The following KCNAB1 variants were observed in gnomAD, a reference collection of about 807,000 sequenced individuals.
The protein encoded by KCNAB1 is potassium voltage-gated channel subfamily A regulatory beta subunit 1.
KCNAB1 carries 35 observed loss-of-function variants against 64.6 expected under a neutral mutation model. The observed-to-expected ratio is 0.54, with a 90% CI of 0.41 to 0.72. KCNAB1 has a LOEUF of 0.72. KCNAB1 is among the 30% of genes least tolerant of loss of function. KCNAB1 has a pLI of 0.00. For synonymous variants in KCNAB1, 177 were observed against 183.8 expected (o/e 0.96, Z 0.30); for missense variants, 401 against 512.9 (o/e 0.78, Z 2.11).
At chr3:156,351,118 A>C (rs3772243) in intron 1 of KCNAB1, among the ~76,000 whole-genome samples, 55,060 of 152,236 alleles carry the variant, frequency 0.36, 12,817 homozygotes, top group African/African-American at 0.67. Context: ...CTAGAAAGAT[A>C]TCATAAGAAA....
intron 12 of KCNAB1, among the ~76,000 whole-genome samples, chr3:156,528,354 C>T (rs1718470618): frequency 6.6e-6 from 1 of 152,190 alleles, no homozygotes; most frequent in African/African-American, 2.4e-5. Flanking sequence ...TGGGGACATC[C>T]ATCAATCATC....
intron 1 of KCNAB1, among the ~76,000 whole-genome samples, chr3:156,134,407 G>A (rs1714180218): frequency 6.6e-6 from 1 of 152,190 alleles, no homozygotes; most frequent in Non-Finnish European, 1.5e-5. Flanking sequence ...GGAGGGATGG[G>A]AAATAAGAAA....
chr3:156,334,192 C>T (rs913340451), intron 1 of KCNAB1, among the ~76,000 whole-genome samples: 32 of 152,124 alleles, frequency 2.1e-4, no homozygotes, highest in Admixed American at 3.9e-4. Flanking sequence ...GTGTCTTTCT[C>T]CCTTTATTTT....
At chr3:156,386,979 G>C (rs79167595) in intron 1 of KCNAB1, among the ~76,000 whole-genome samples, 2,777 of 138,820 alleles carry the variant, frequency 0.02, 75 homozygotes, top group African/African-American at 0.075. Flanking sequence ...ATTCTTGCTT[G>C]CTTGCTTTCT....
At chr3:156,493,876 A>C (rs1205047915) in intron 8 of KCNAB1, among the ~76,000 whole-genome samples, 1 of 152,150 alleles carries the variant, frequency 6.6e-6, no homozygotes, top group South Asian at 2.1e-4. Context: ...TTCCCAATAC[A>C]TCATGCTAGA....
At chr3:156,152,929 T>C (rs904748696) in intron 1 of KCNAB1, among the ~76,000 whole-genome samples, 19 of 152,220 alleles carry the variant, frequency 1.2e-4, no homozygotes, top group African/African-American at 4.6e-4. Context: ...TAGCACTTTC[T>C]TCCTCTACCT....
intron 1 of KCNAB1, among the ~76,000 whole-genome samples, chr3:156,158,164 CAA>C (rs1324815125): frequency 2.3e-5 from 1 of 42,876 alleles, no homozygotes; most frequent in African/African-American, 7.0e-5. Flanking sequence ...AACTCTGTCT[CAA>C]AAAAAAAAAT....
rs112793717 is a variant in KCNAB1, at chr3:156,473,546, C to T, written c.572-1188C>T. The stretch of plus-strand genomic sequence containing the variant: ...AGGTTTATAGGAGAAGGCATTAGAC[C>T]TCATAACATCTGTCTGCCCTAATCT... On this transcript the variant is annotated intron_variant, in intron 7 of 13. Coordinates refer to ENST00000490337, the MANE Select transcript of KCNAB1 (RefSeq NM_172160.3). 1.3e-3 allele frequency among the ~76,000 whole-genome samples: 198 copies of T among 152,248 alleles called. 2 individuals are homozygous for T. The highest frequency in any genetic ancestry group is 3.4e-3 in the Middle Eastern group (1 of 294).
chr3:156,500,821 G>T (rs538462985), intron 8 of KCNAB1, among the ~76,000 whole-genome samples: 1 of 152,140 alleles, frequency 6.6e-6, no homozygotes, highest in Admixed American at 6.5e-5. Flanking sequence ...GTTTGTGGAA[G>T]TATCATCATC....
At chr3:156,422,016 A>G (rs1441928488) in intron 2 of KCNAB1, among the ~76,000 whole-genome samples, 3 of 152,124 alleles carry the variant, frequency 2.0e-5, no homozygotes, top group Non-Finnish European at 4.4e-5. Flanking sequence ...AATTTTTTCT[A>G]TCTATCCTTG....
chr3:156,236,358 A>G (rs968079227), intron 1 of KCNAB1, among the ~76,000 whole-genome samples: 1 of 152,188 alleles, frequency 6.6e-6, no homozygotes, highest in African/African-American at 2.4e-5. Context: ...ACCTAGTCGC[A>G]TCACCTGGGG....
intron 10 of KCNAB1, among the ~76,000 whole-genome samples, chr3:156,515,731 C>A (rs1418127275): frequency 6.6e-6 from 1 of 152,026 alleles, no homozygotes; most frequent in Non-Finnish European, 1.5e-5. Context: ...ATATAATATA[C>A]CCAAGAAATT....
At chr3:156,181,242 A>G (rs1467688010) in intron 1 of KCNAB1, among the ~76,000 whole-genome samples, 1 of 152,214 alleles carries the variant, frequency 6.6e-6, no homozygotes, top group East Asian at 1.9e-4. Flanking sequence ...AATCCAGCCC[A>G]TGACAGATGG....
At position 156,247,972 on chromosome 3, in the gene KCNAB1, T is replaced by G. The variant is rs761935184; in HGVS notation, c.275+127086T>G. Among the ~76,000 whole-genome samples, 24 of 152,130 alleles carry G rather than the reference T, an allele frequency of 1.6e-4. 1 individual carries two copies. Among genetic ancestry groups the G allele is most frequent in the Admixed American group, 1.4e-3 (21 of 15,266 alleles). On this transcript the variant is annotated intron_variant, in intron 1 of 13. Coordinates refer to ENST00000490337, the MANE Select transcript of KCNAB1 (RefSeq NM_172160.3). ...CAACTCATATAACCGTTTCTATATC[T>G]CCAGTTCCTAGCACAGTGCTTGGCT...
intron 1 of KCNAB1, among the ~76,000 whole-genome samples, chr3:156,321,444 C>CA (rs1385821782): frequency 6.6e-6 from 1 of 152,206 alleles, no homozygotes; most frequent in Non-Finnish European, 1.5e-5. Context: ...TGCACGAACT[C>CA]AGAGTTCAAC....
chr3:156,414,464 T>G (rs561374384), intron 1 of KCNAB1, among the ~76,000 whole-genome samples: 40 of 152,186 alleles, frequency 2.6e-4, no homozygotes, highest in African/African-American at 9.2e-4. Context: ...TGGTAATGAG[T>G]GTAAATGGTG....
chr3:156,319,932 G>A (rs1173527290), intron 1 of KCNAB1, among the ~76,000 whole-genome samples: 1 of 152,144 alleles, frequency 6.6e-6, no homozygotes, highest in African/African-American at 2.4e-5. Flanking sequence ...CATCTGCTTT[G>A]ATGAAGTCCA....
chr3:156,454,215 T>A (rs1430553027), intron 3 of KCNAB1, among the ~76,000 whole-genome samples: 1 of 152,176 alleles, frequency 6.6e-6, no homozygotes, highest in African/African-American at 2.4e-5. Flanking sequence ...TAGGAAGTGT[T>A]CTCAGGATCA....
intron 2 of KCNAB1, among the ~76,000 whole-genome samples, chr3:156,443,450 A>C (rs1463599113): frequency 6.6e-6 from 1 of 152,122 alleles, no homozygotes; most frequent in Non-Finnish European, 1.5e-5. Flanking sequence ...GGGGCTGTGG[A>C]GTGTCCACTA....
Sources: gnomAD v4.1 joint callset for allele counts (sites outside exome capture counted in the v4.1 genomes callset) on GRCh38, gnomAD v4.1.1 for gene constraint, MANE v1.5 for transcripts, NCBI Gene and HGNC (gene_info 2026-07-23, HGNC 2026-07-21) for gene names.